The following CKM variants were observed in gnomAD, a reference collection of about 807,000 sequenced individuals.
CKM encodes creatine kinase, M-type.
Under a neutral mutation model 35.4 loss-of-function variants are expected in CKM, and 28 were observed. The ratio of observed to expected loss-of-function variants is 0.79; its 90% CI spans 0.59 to 1.08. The LOEUF (loss-of-function observed/expected upper bound fraction) is 1.08. CKM is among the 50% of genes least tolerant of loss of function. The pLI, the probability that CKM is intolerant of heterozygous loss-of-function variation, is 0.00. For missense variants in CKM, 484 were observed against 509.8 expected, an observed-to-expected ratio of 0.95 and a Z score of 0.49; for synonymous variants, 215 against 204.4, an observed-to-expected ratio of 1.05 and a Z score of -0.44.
At chr19:45,315,697 C>T (rs1028587766) in intron 3 of CKM, 100 bp from the exon 4 acceptor site, 1 of 1,488,912 alleles carries the variant, frequency 6.7e-7, no homozygotes, top group African/African-American at 1.4e-5. Context: ...CTGTTGCTTC[C>T]TTTGCCTTCT....
chr19:45,315,393 C>G, intron 4 of CKM, 72 bp downstream of exon 4: 1 of 1,554,002 alleles, frequency 6.4e-7, no homozygotes, highest in Non-Finnish European at 8.7e-7. Flanking sequence ...CAAAGAGACC[C>G]GAGGACCTGC....
At chr19:45,319,434 C>T (rs576443489) in intron 2 of CKM, 87 bp downstream of exon 2, 27 of 1,032,916 alleles carry the variant, frequency 2.6e-5, no homozygotes, top group South Asian at 5.3e-5. Flanking sequence ...AGGCCCCCCC[C>T]CCTTCAAGGG....
intron 5 of CKM, among the ~76,000 whole-genome samples, chr19:45,309,631 G>A (rs1345884295): frequency 6.6e-6 from 1 of 151,898 alleles, no homozygotes; most frequent in Admixed American, 6.6e-5. Flanking sequence ...GGAGGCTGAG[G>A]TGGGCGGATC....
intron 4 of CKM, among the ~76,000 whole-genome samples, chr19:45,313,044 A>G (rs1309562132): frequency 6.6e-6 from 1 of 152,082 alleles, no homozygotes; most frequent in Non-Finnish European, 1.5e-5. Context: ...GCATATGTAC[A>G]ATAAATCTAT....
chr19:45,316,237 C>T (rs939765652), intron 3 of CKM, among the ~76,000 whole-genome samples: 11 of 150,504 alleles, frequency 7.3e-5, no homozygotes, highest in Non-Finnish European at 1.6e-4. Flanking sequence ...GGCTGAGGCA[C>T]GAGAATCACT....
rs576443489 is a variant in CKM at position 45,319,434 on chromosome 19, C to A, written c.193+87G>T. On this transcript the variant is annotated intron_variant, in intron 2 of 7. Coordinates refer to ENST00000221476, the MANE Select transcript of CKM (RefSeq NM_001824.5). ...CAGATGAGAAAACTGAGGCCCCCCCCCCTTCAAGGGTGGTGGGATTGGGGC... is the reference window on the plus strand; with the variant it reads ...CAGATGAGAAAACTGAGGCCCCCCCACCTTCAAGGGTGGTGGGATTGGGGC... The A allele has an allele frequency of 1.0e-3, 1,072 of 1,033,036 alleles. 7 individuals carry two copies. The African/African-American group carries it at 0.014, about 14-fold the overall frequency. The allele number at this position is 1,033,036 out of a possible 1,614,324, so 64.0% of individuals were successfully genotyped here. A position where few individuals can be genotyped will look rare whatever the true frequency, so the allele number is the denominator to read the frequency against.
chr19:45,322,421 C>G (rs1971221785), intron 1 of CKM, among the ~76,000 whole-genome samples: 1 of 152,226 alleles, frequency 6.6e-6, no homozygotes. Flanking sequence ...CCTGCGACAC[C>G]TGCTCTTGCA....
chr19:45,321,219 A>G (rs898364859), intron 1 of CKM, among the ~76,000 whole-genome samples: 5 of 151,408 alleles, frequency 3.3e-5, no homozygotes, highest in African/African-American at 9.7e-5. Context: ...TTGTTATTTT[A>G]AAGGTTCGTG....
Position 45,315,257 on chromosome 19 carries a change from C to T in CKM, c.481+208G>A, listed in dbSNP as rs532882314. On this transcript the variant is annotated intron_variant, in intron 4 of 7. Transcript: ENST00000221476. The stretch of plus-strand genomic sequence containing the variant: ...AGCCAGGTGTCTGCGTAGGTCTTCT[C>T]AGGGGCCGTCGGGTCTGGACAGCAT... Among the ~76,000 whole-genome samples, 3 of 152,268 alleles carry T rather than the reference C, an allele frequency of 2.0e-5. No homozygotes were observed. The South Asian group carries it at 6.2e-4, about 32-fold the overall frequency.
rs187643790 is a variant in CKM, at chr19:45,322,779, C to T, written c.-19+42G>A. The T allele has an allele frequency of 3.1e-5, 30 of 981,258 alleles. No homozygotes were observed. The African/African-American group carries it at 3.3e-4, about 11-fold the overall frequency. 60.8% of individuals were successfully genotyped at this position (981,258 alleles called of 1,614,324 possible). ...CAAGCCTCTAGCACCCACAGAAATC[C>T]CCTACTCTGGCCCCCACCCAGATTC... On this transcript the variant is annotated intron_variant, in intron 1 of 7. Transcript: ENST00000221476.
At chr19:45,312,858 G>A (rs1323068404) in intron 4 of CKM, among the ~76,000 whole-genome samples, 3 of 151,288 alleles carry the variant, frequency 2.0e-5, no homozygotes, top group Non-Finnish European at 4.4e-5. Context: ...AGAGGCTGAG[G>A]CACGAGAAAC....
At chr19:45,318,083 C>A in intron 2 of CKM, 104 bp from the exon 3 acceptor site, 1 of 904,236 alleles carries the variant, frequency 1.1e-6, no homozygotes. Context: ...GGGATGGGGG[C>A]GGGTACATTC....
At chr19:45,318,413 A>G (rs762415226) in intron 2 of CKM, among the ~76,000 whole-genome samples, 29 of 142,730 alleles carry the variant, frequency 2.0e-4, no homozygotes, top group Admixed American at 5.7e-4. Flanking sequence ...TCTCCAAAGG[A>G]AAAAAAAAAA....
intron 4 of CKM, among the ~76,000 whole-genome samples, chr19:45,313,748 G>A (rs1971131166): frequency 6.6e-6 from 1 of 152,202 alleles, no homozygotes. Flanking sequence ...TTGGGTGGCT[G>A]AGACACGAGA....
At chr19:45,316,118 T>C (rs1486645073) in intron 3 of CKM, among the ~76,000 whole-genome samples, 1 of 151,922 alleles carries the variant, frequency 6.6e-6, no homozygotes, top group Admixed American at 6.6e-5. Context: ...TCACCTGAGG[T>C]CAGGAGTTCG....
chr19:45,310,172 G>T (rs1043428986), intron 5 of CKM, among the ~76,000 whole-genome samples: 1 of 139,114 alleles, frequency 7.2e-6, no homozygotes, highest in Non-Finnish European at 1.5e-5. Flanking sequence ...CCAGGCTGGA[G>T]TGCAGTGATG....
At chr19:45,311,697 G>A in intron 5 of CKM, 52 bp downstream of exon 5, 18 of 1,481,108 alleles carry the variant, frequency 1.2e-5, no homozygotes, top group Non-Finnish European at 1.5e-5. Flanking sequence ...GCCGTTGCAG[G>A]ACTGGAGGAG....
intron 4 of CKM, among the ~76,000 whole-genome samples, chr19:45,312,680 G>A (rs573972363): frequency 2.7e-4 from 41 of 152,006 alleles, no homozygotes; most frequent in African/African-American, 9.2e-4. Context: ...TAGGCTGGGC[G>A]CAGTGGCTCA....
chr19:45,320,087 C>G (rs1340769932), intron 1 of CKM, among the ~76,000 whole-genome samples: 1 of 148,964 alleles, frequency 6.7e-6, no homozygotes, highest in Admixed American at 6.7e-5. Context: ...CTGCACCCGG[C>G]CTTTTCTTCT....
Sources: gnomAD v4.1 joint callset for allele counts (sites outside exome capture counted in the v4.1 genomes callset) on GRCh38, gnomAD v4.1.1 for gene constraint, MANE v1.5 for transcripts, NCBI Gene and HGNC (gene_info 2026-07-23, HGNC 2026-07-21) for gene names.